Variants in PDIA6 observed in about 807,000 individuals in gnomAD.
PDIA6 encodes the protein protein disulfide isomerase family A member 6.
PDIA6 carries 29 observed loss-of-function variants against 58.4 expected under a neutral mutation model. The observed-to-expected ratio is 0.50, with a 90% CI of 0.37 to 0.68. The LOEUF (loss-of-function observed/expected upper bound fraction) is 0.68. PDIA6 is among the 30% of genes least tolerant of loss of function. The pLI is 0.00. For missense variants in PDIA6, 480 were observed against 551.0 expected, an observed-to-expected ratio of 0.87 and a Z score of 1.29; for synonymous variants, 192 against 202.6, an observed-to-expected ratio of 0.95 and a Z score of 0.44.
rs1437821520 is a variant in PDIA6, at chr2:10,788,763, G to A, written c.932C>T (p.Ala311Val). 1 of 1,611,812 alleles carries A rather than the reference G, an allele frequency of 6.2e-7. No homozygotes were observed. Among genetic ancestry groups the A allele is most frequent in the Non-Finnish European group, 8.5e-7 (1 of 1,178,010 alleles). ...VLPHILDTGA[A>V]GRNSYLEVLL... ...AACTTCCAGATAAGAATTTCTGCCT[G>A]CAGCTCCTGATTTAAATAGACAAAG... The change falls in exon 10 of 13, where the codon GCA becomes GTA. Residue 311 changes from alanine (A) to valine (V), a missense_variant. Physicochemically the swap from Ala to Val is moderately conservative, Grantham distance 64. Transcript: ENST00000272227.
chr2:10,811,856 G>A (rs774509164), intron 1 of PDIA6, among the ~76,000 whole-genome samples: 3 of 152,198 alleles, frequency 2.0e-5, no homozygotes, highest in Non-Finnish European at 4.4e-5. Flanking sequence ...GCTTTTGGAA[G>A]GCACTGTCCC....
upstream of PDIA6, chr2:10,812,789 C>G: frequency 8.1e-7 from 1 of 1,238,462 alleles, no homozygotes; most frequent in Non-Finnish European, 1.0e-6. Context: ...ACGTCCCGCC[C>G]CAGGCCAGTC....
intron 2 of PDIA6, among the ~76,000 whole-genome samples, chr2:10,798,185 A>G (rs1215530898): frequency 2.0e-5 from 3 of 151,642 alleles, no homozygotes; most frequent in African/African-American, 4.9e-5. Flanking sequence ...ATTCTGTCTC[A>G]AAAAATAAAA....
At chr2:10,820,431 AC>A (rs1383183904) in intron 1 of PDIA6, among the ~76,000 whole-genome samples, 1 of 152,074 alleles carries the variant, frequency 6.6e-6, no homozygotes. Flanking sequence ...TTTCTTTTTT[AC>A]TGTACACGTG....
chr2:10,815,136 T>C (rs62129025), upstream of PDIA6, among the ~76,000 whole-genome samples: 50 of 55,436 alleles, frequency 9.0e-4, no homozygotes, highest in Non-Finnish European at 1.8e-3. Context: ...ATGCACAGGC[T>C]TCTGGAAATG....
chr2:10,787,092 C>A lies in PDIA6; in HGVS notation c.1157+189G>T, dbSNP rs56138270. Among the ~76,000 whole-genome samples the A allele has an allele frequency of 0.06, 9,121 of 152,012 alleles. 393 individuals are homozygous for A. Among genetic ancestry groups the A allele is most frequent in the Middle Eastern group, 0.092 (27 of 294 alleles). ...CTCCTCATCCCGCAAGCAGAGTATT[C>A]CATGGAAAAAAGAACGAACAGGGAG... is the stretch of plus-strand genomic sequence containing the variant. On this transcript the variant is annotated intron_variant, in intron 11 of 12. Coordinates refer to ENST00000272227, the MANE Select transcript of PDIA6 (RefSeq NM_005742.4).
rs781101810 is a variant in PDIA6 at position 10,818,183 on chromosome 2, G to A, written c.34+1091C>T. Among the ~76,000 whole-genome samples the A allele has an allele frequency of 2.1e-3, 313 of 148,158 alleles. 5 individuals carry two copies. Among genetic ancestry groups the A allele is most frequent in the Admixed American group, 5.6e-3 (84 of 14,940 alleles). On this transcript the variant is annotated intron_variant, in intron 2 of 13. Transcript: ENST00000381611. Reference sequence around the variant, plus strand: ...CACTTTAACTTTTTTTTTTTTTTGAGACAGGGTCTCACTCTGTCACCCAGG... The same window carrying A: ...CACTTTAACTTTTTTTTTTTTTTGAAACAGGGTCTCACTCTGTCACCCAGG...
At chr2:10,811,131 T>C (rs1162979101) in intron 1 of PDIA6, among the ~76,000 whole-genome samples, 1 of 152,230 alleles carries the variant, frequency 6.6e-6, no homozygotes, top group Non-Finnish European at 1.5e-5. Flanking sequence ...TCACGGACTC[T>C]TTCAGGGTCT....
chr2:10,825,734 C>T (rs566018733), intron 1 of PDIA6, among the ~76,000 whole-genome samples: 9 of 152,228 alleles, frequency 5.9e-5, no homozygotes, highest in Admixed American at 3.3e-4. Flanking sequence ...AGATGCTCAG[C>T]GTCATTAGTT....
At position 10,793,225 on chromosome 2, in the gene PDIA6, G is replaced by A. The variant is rs550954594; in HGVS notation, c.347-23C>T. ...CACCTACAGGAGACGGAAGGTAGGC[G>A]GTCCTCAGCCCGGCCTTCAGCAAGT... is the stretch of plus-strand genomic sequence containing the variant. On this transcript the variant is annotated intron_variant, in intron 4 of 12. Transcript: ENST00000272227. The A allele has an allele frequency of 4.7e-5, 69 of 1,480,556 alleles. No individual in the cohort carries two copies. In the South Asian group the frequency reaches 6.2e-4, roughly 13 times the overall value. The allele number at this position is 1,480,556 out of a possible 1,614,324, so 91.7% of individuals were successfully genotyped here. A position where few individuals can be genotyped will look rare whatever the true frequency, so the allele number is the denominator to read the frequency against.
At chr2:10,813,056 G>A (rs902271397), upstream of PDIA6, among the ~76,000 whole-genome samples, 40 of 152,268 alleles carry the variant, frequency 2.6e-4, no homozygotes, top group African/African-American at 9.1e-4. Context: ...TGCTCGGAGG[G>A]GAGTCCAGTA....
chr2:10,810,426 G>C, intron 1 of PDIA6: 1 of 1,437,076 alleles, frequency 7.0e-7, no homozygotes, highest in Non-Finnish European at 9.1e-7. Context: ...GCAGGCTGCA[G>C]TCACCAGAAC....
intron 4 of PDIA6, among the ~76,000 whole-genome samples, chr2:10,795,929 C>T (rs921437526): frequency 2.6e-5 from 4 of 152,202 alleles, no homozygotes; most frequent in African/African-American, 9.7e-5. Context: ...AAATCTTCAA[C>T]AAAAACCTTT....
At position 10,802,572 on chromosome 2, in the gene PDIA6, A is replaced by G. The variant is rs200372670; in HGVS notation, c.88T>C (p.Leu30=). Residue 30 remains leucine (L), a synonymous_variant, in exon 2 of 13, where the codon TTA becomes CTA. Coordinates refer to ENST00000272227, the MANE Select transcript of PDIA6 (RefSeq NM_005742.4). The part of the protein sequence containing the change: ...LYSSSDDVIE[L]TPSNFNREVI... The stretch of plus-strand genomic sequence containing the variant: ...TCTCGGTTGAAATTCGATGGAGTTA[A>G]TTCGATCACATCATCACTAGAGGAA... 93 of 1,493,778 alleles carry G rather than the reference A, an allele frequency of 6.2e-5. No homozygotes were observed. Among genetic ancestry groups the G allele is most frequent in the Non-Finnish European group, 8.3e-5 (93 of 1,120,360 alleles). 92.5% of individuals were successfully genotyped at this position (1,493,778 alleles called of 1,614,324 possible).
At chr2:10,816,843 C>T (rs1175152489), upstream of PDIA6, among the ~76,000 whole-genome samples, 1 of 152,130 alleles carries the variant, frequency 6.6e-6, no homozygotes, top group Admixed American at 6.5e-5. Context: ...AGGGTGGAGG[C>T]GATGGGCAAG....
chr2:10,803,372 G>A (rs1666593703), intron 1 of PDIA6, among the ~76,000 whole-genome samples: 1 of 152,184 alleles, frequency 6.6e-6, no homozygotes, highest in Non-Finnish European at 1.5e-5. Flanking sequence ...GGTCAGGCTG[G>A]TCTCGAACTC....
intron 1 of PDIA6, among the ~76,000 whole-genome samples, chr2:10,809,446 G>A (rs971569355): frequency 6.6e-6 from 1 of 152,030 alleles, no homozygotes; most frequent in Non-Finnish European, 1.5e-5. Flanking sequence ...GGAGGATGAG[G>A]CGGGTGGATA....
chr2:10,808,620 T>C (rs1666863312), intron 1 of PDIA6, among the ~76,000 whole-genome samples: 1 of 152,126 alleles, frequency 6.6e-6, no homozygotes, highest in African/African-American at 2.4e-5. Context: ...GAGTAGCCTT[T>C]GATAGGATGA....
At chr2:10,820,721 G>C in intron 1 of PDIA6, 2 of 702,346 alleles carry the variant, frequency 2.8e-6, no homozygotes, top group Admixed American at 2.0e-5. Flanking sequence ...CTGTATCAGC[G>C]GCACCAGCTG....
Sources: gnomAD v4.1 joint callset for allele counts (sites outside exome capture counted in the v4.1 genomes callset) on GRCh38, gnomAD v4.1.1 for gene constraint, MANE v1.5 for transcripts, NCBI Gene and HGNC (gene_info 2026-07-23, HGNC 2026-07-21) for gene names.